Variants in TENM4 observed in about 807,000 individuals in gnomAD.
TENM4 encodes the protein teneurin transmembrane protein 4.
In TENM4, 82 loss-of-function variants were observed where a neutral mutation model predicts 243.3. The ratio of observed to expected loss-of-function variants is 0.34; its 90% CI spans 0.28 to 0.40. TENM4 has a LOEUF of 0.40. Among genes scored for constraint, TENM4 ranks in the 10% least tolerant of loss-of-function variants. TENM4 has a pLI of 1.00. For missense variants in TENM4, 3,138 were observed against 3,673.3 expected, an observed-to-expected ratio of 0.85 and a Z score of 3.77; for synonymous variants, 1,412 against 1,456.3, an observed-to-expected ratio of 0.97 and a Z score of 0.69.
rs551318811 is a variant in TENM4, at chr11:79,045,255, G to A, written c.493+19483C>T. ...CGTGCTCCTCTCTGTGGGAGGCACAGGTAGATGCACGGTCACAGCTCCACT... is the reference window on the plus strand; with the variant it reads ...CGTGCTCCTCTCTGTGGGAGGCACAAGTAGATGCACGGTCACAGCTCCACT... On this transcript the variant is annotated intron_variant, in intron 6 of 33. Transcript: ENST00000278550. 3.3e-5 allele frequency among the ~76,000 whole-genome samples: 5 copies of A among 152,302 alleles called. No homozygotes were observed. The South Asian group carries it at 8.3e-4, about 25-fold the overall frequency.
At position 78,771,601 on chromosome 11, in the gene TENM4, A is replaced by G. The variant is rs528687576; in HGVS notation, c.2393-463T>C. ...CTTGCTTCCTTCATCACTTCTGGGT[A>G]TCATTCTAAAGGGTGTTACTTTTTC... On this transcript the variant is annotated intron_variant, in intron 17 of 33. Transcript: ENST00000278550. 2.0e-5 allele frequency among the ~76,000 whole-genome samples: 3 copies of G among 152,308 alleles called. No homozygotes were observed. In the East Asian group the frequency reaches 5.8e-4, roughly 29 times the overall value.
intron 4 of TENM4, among the ~76,000 whole-genome samples, chr11:79,084,783 T>C (rs559193581): frequency 6.6e-6 from 1 of 151,836 alleles, no homozygotes; most frequent in South Asian, 2.1e-4. Context: ...ATGGAAATGT[T>C]CGTTGTCTTG....
At chr11:79,155,479 C>T (rs996675548) in intron 3 of TENM4, among the ~76,000 whole-genome samples, 2 of 151,792 alleles carry the variant, frequency 1.3e-5, no homozygotes, top group African/African-American at 2.4e-5. Context: ...CTCATATTAA[C>T]CCCAGAGCAA....
chr11:78,672,071 C>T lies in TENM4; in HGVS notation c.5755G>A (p.Ala1919Thr), dbSNP rs756992151. 8.7e-6 allele frequency: 14 copies of T among 1,613,932 alleles called. No individual in the cohort carries two copies. The highest frequency in any genetic ancestry group is 4.4e-5 in the South Asian group (4 of 91,046). ...QAGRITSRIF[A>T]DGKTWSYTYL... is the part of the protein sequence containing the mutation. ...GTGTAGCTCCATGTCTTCCCATCAG[C>T]GAAGATCCTGGATGTGATGCGGCCC... Residue 1919 changes from alanine (A) to threonine (T), a missense_variant, in exon 31 of 34, where the codon GCT becomes ACT. Ala to Thr is a moderately conservative substitution (Grantham distance 58, BLOSUM62 0). Transcript: ENST00000278550.
chr11:79,414,932 C>A (rs1028519487), intron 1 of TENM4, among the ~76,000 whole-genome samples: 4 of 152,162 alleles, frequency 2.6e-5, no homozygotes, highest in African/African-American at 9.7e-5. Context: ...CCTCAGCTGA[C>A]CTTGCCACCG....
chr11:78,736,506 G>A (rs115763711), intron 20 of TENM4, among the ~76,000 whole-genome samples: 1 of 151,914 alleles, frequency 6.6e-6, no homozygotes, highest in Non-Finnish European at 1.5e-5. Context: ...GAGTAGGGGT[G>A]GGGGAGCTGG....
chr11:78,777,553 G>A lies in TENM4; in HGVS notation c.2392+1049C>T, dbSNP rs796998428. On this transcript the variant is annotated intron_variant, in intron 17 of 33. Coordinates refer to ENST00000278550, the MANE Select transcript of TENM4 (RefSeq NM_001098816.3). ...TAAAGCAGTATAATTCATACTTATT[G>A]AGCATAATTCCTGCCTATATACTAA... is the stretch of plus-strand genomic sequence containing the variant. Among the ~76,000 whole-genome samples the A allele has an allele frequency of 2.6e-5, 4 of 152,164 alleles. No homozygotes were observed. The South Asian group carries it at 8.3e-4, about 32-fold the overall frequency.
chr11:78,862,346 T>G (rs1858843586), intron 10 of TENM4, among the ~76,000 whole-genome samples: 2 of 152,194 alleles, frequency 1.3e-5, no homozygotes, highest in African/African-American at 4.8e-5. Flanking sequence ...ATAAAATAAT[T>G]ATCTTACAGG....
At chr11:79,138,331 T>TATATATAATATATATA (rs1491578407) in intron 4 of TENM4, among the ~76,000 whole-genome samples, 2 of 76,154 alleles carry the variant, frequency 2.6e-5, no homozygotes, top group African/African-American at 1.3e-4. Context: ...ATATATATAT[T>TATATATAATATATATA]ATATATATAA....
chr11:78,794,296 A>ATAG (rs1278473816), intron 15 of TENM4, among the ~76,000 whole-genome samples: 1 of 152,202 alleles, frequency 6.6e-6, no homozygotes, highest in Non-Finnish European at 1.5e-5. Context: ...AGGAACGGGC[A>ATAG]TAGTGGGTAC....
intron 1 of TENM4, among the ~76,000 whole-genome samples, chr11:79,298,049 T>C (rs1391787688): frequency 1.3e-5 from 2 of 152,162 alleles, no homozygotes; most frequent in African/African-American, 2.4e-5. Flanking sequence ...CCACCTGTGT[T>C]AGGCCGTGAC....
chr11:79,172,948 C>G (rs11237747), intron 3 of TENM4, among the ~76,000 whole-genome samples: 27,269 of 152,136 alleles, frequency 0.18, 3,153 homozygotes, highest in Non-Finnish European at 0.25. Flanking sequence ...GCCCTCGTCT[C>G]TCCATTTTCA....
At chr11:79,374,000 G>A (rs1409553088) in intron 1 of TENM4, among the ~76,000 whole-genome samples, 1 of 152,160 alleles carries the variant, frequency 6.6e-6, no homozygotes, top group African/African-American at 2.4e-5. Context: ...AGGTAGGAGA[G>A]GGGGGCATGC....
chr11:79,203,288 A>G (rs1863784082), intron 3 of TENM4, among the ~76,000 whole-genome samples: 1 of 152,238 alleles, frequency 6.6e-6, no homozygotes, highest in East Asian at 1.9e-4. Context: ...CTCAAGAGAA[A>G]TGAAAACATA....
At chr11:79,302,815 T>A (rs1856570911) in intron 1 of TENM4, among the ~76,000 whole-genome samples, 1 of 152,192 alleles carries the variant, frequency 6.6e-6, no homozygotes, top group East Asian at 1.9e-4. Context: ...AGCCACCATT[T>A]CCTTGACCTA....
intron 12 of TENM4, among the ~76,000 whole-genome samples, chr11:78,843,744 TTTGAG>T (rs1371397228): frequency 6.6e-6 from 1 of 152,172 alleles, no homozygotes; most frequent in Non-Finnish European, 1.5e-5. Context: ...CATTTCCATT[TTTGAG>T]TTAAGGAGTA....
chr11:79,066,618 G>A (rs1049059929), intron 5 of TENM4, among the ~76,000 whole-genome samples: 2 of 149,092 alleles, frequency 1.3e-5, no homozygotes, highest in Non-Finnish European at 3.0e-5. Context: ...GCACACACAC[G>A]TGCGCACACA....
chr11:79,031,685 T>C lies in TENM4; in HGVS notation c.493+33053A>G, dbSNP rs11237695. ...ACCTGTGGAAGGACAGTGGGACTTG[T>C]GAGGCGGGCACAGAGGCTTAAAGGG... On this transcript the variant is annotated intron_variant, in intron 6 of 33. Transcript: ENST00000278550. Among the ~76,000 whole-genome samples the C allele has an allele frequency of 9.8e-4, 149 of 152,298 alleles. No homozygotes were observed. The East Asian group carries it at 0.015, about 15-fold the overall frequency.
chr11:78,866,894 T>C (rs528773423), intron 9 of TENM4, among the ~76,000 whole-genome samples: 1 of 151,618 alleles, frequency 6.6e-6, no homozygotes, highest in Non-Finnish European at 1.5e-5. Flanking sequence ...AAGTAAGGAG[T>C]AGGATGAAGC....
Sources: gnomAD v4.1 joint callset for allele counts (sites outside exome capture counted in the v4.1 genomes callset) on GRCh38, gnomAD v4.1.1 for gene constraint, MANE v1.5 for transcripts, NCBI Gene and HGNC (gene_info 2026-07-23, HGNC 2026-07-21) for gene names.